Variants in RABEP1 observed in about 807,000 individuals in gnomAD.
RABEP1 encodes rabaptin, RAB GTPase binding effector protein 1.
In RABEP1, 51 loss-of-function variants were observed where a neutral mutation model predicts 123.4. The ratio of observed to expected loss-of-function variants is 0.41; its 90% CI spans 0.33 to 0.52. The LOEUF is 0.52. RABEP1 is among the 20% of genes least tolerant of loss of function. RABEP1 has a pLI of 0.16. For missense variants in RABEP1, 888 were observed against 996.3 expected (o/e 0.89, Z 1.46); for synonymous variants, 347 against 355.2 (o/e 0.98, Z 0.26).
At chr17:5,320,726 G>A (rs1476597506) in intron 2 of RABEP1, among the ~76,000 whole-genome samples, 1 of 152,068 alleles carries the variant, frequency 6.6e-6, no homozygotes, top group Non-Finnish European at 1.5e-5. Context: ...TTATCTACAA[G>A]ATGTTTTTTG....
intron 14 of RABEP1, 29 bp downstream of exon 14, chr17:5,377,334 T>C (rs1911073256): frequency 6.5e-7 from 1 of 1,530,210 alleles, no homozygotes; most frequent in Non-Finnish European, 8.8e-7. Context: ...TAGTTTAGAA[T>C]TAGAGTCACT....
chr17:5,291,095 TC>T (rs2075028766), intron 1 of RABEP1, among the ~76,000 whole-genome samples: 1 of 152,162 alleles, frequency 6.6e-6, no homozygotes, highest in African/African-American at 2.4e-5. Context: ...AATTTTCTGA[TC>T]ATAAAGTACA....
intron 2 of RABEP1, among the ~76,000 whole-genome samples, chr17:5,311,395 A>G (rs1409411746): frequency 6.6e-6 from 1 of 152,040 alleles, no homozygotes; most frequent in African/African-American, 2.4e-5. Flanking sequence ...TGGATATTTT[A>G]CATATTACTA....
chr17:5,321,167 T>A (rs1567520149), intron 2 of RABEP1, among the ~76,000 whole-genome samples: 1 of 151,886 alleles, frequency 6.6e-6, no homozygotes, highest in Non-Finnish European at 1.5e-5. Context: ...ACTGGCTGAG[T>A]GCAGTGGCTC....
At chr17:5,323,177 C>A (rs929738585) in intron 2 of RABEP1, among the ~76,000 whole-genome samples, 1 of 152,280 alleles carries the variant, frequency 6.6e-6, no homozygotes, top group Middle Eastern at 3.4e-3. Flanking sequence ...TACAAACCCT[C>A]ATCAAATTGT....
intron 11 of RABEP1, among the ~76,000 whole-genome samples, chr17:5,367,411 A>C (rs1055025878): frequency 6.6e-6 from 1 of 150,428 alleles, no homozygotes; most frequent in Non-Finnish European, 1.5e-5. Flanking sequence ...AGCTGGGACT[A>C]CAGGCACCCG....
At chr17:5,323,084 A>C (rs1212860743) in intron 2 of RABEP1, among the ~76,000 whole-genome samples, 6 of 152,190 alleles carry the variant, frequency 3.9e-5, no homozygotes, top group South Asian at 2.1e-4. Context: ...CAAAAAAAAC[A>C]AACAACAACA....
intron 2 of RABEP1, among the ~76,000 whole-genome samples, chr17:5,314,234 CTT>C (rs71151864): frequency 9.0e-5 from 5 of 55,560 alleles, no homozygotes; most frequent in Admixed American, 3.0e-4. Context: ...AGTACCTATT[CTT>C]TTTTTTTTTT....
At chr17:5,367,146 C>T (rs1273077270) in intron 11 of RABEP1, among the ~76,000 whole-genome samples, 1 of 151,908 alleles carries the variant, frequency 6.6e-6, no homozygotes, top group Non-Finnish European at 1.5e-5. Context: ...TGATTTTCCT[C>T]CTTTTTAAAA....
intron 4 of RABEP1, 118 bp downstream of exon 4, chr17:5,335,462 T>G: frequency 3.3e-6 from 3 of 897,872 alleles, no homozygotes; most frequent in Non-Finnish European, 5.1e-6. Context: ...GAATAATTAT[T>G]TGGACACAGA....
chr17:5,361,659 A>G lies in RABEP1; in HGVS notation c.1547A>G (p.Asn516Ser), dbSNP rs768015639. 2 of 1,606,138 alleles carry G rather than the reference A, an allele frequency of 1.2e-6. No individual in the cohort carries two copies. The highest frequency in any genetic ancestry group is 1.1e-5 in the South Asian group (1 of 89,794). ...CGTTTAGTTAGTGAAACAGAATGGAATCTCTTGCAGAAAGAGGTGAGTTAC... is the reference window on the plus strand; with the variant it reads ...CGTTTAGTTAGTGAAACAGAATGGAGTCTCTTGCAGAAAGAGGTGAGTTAC... ...GYRLVSETEW[N>S]LLQKEVHNAG... The change falls in exon 9 of 18, where the codon AAT (asparagine) becomes AGT (serine). Residue 516 changes from asparagine to serine, a missense_variant. Transcript: ENST00000537505.
intron 13 of RABEP1, among the ~76,000 whole-genome samples, chr17:5,376,295 T>A (rs1359597340): frequency 6.6e-6 from 1 of 151,942 alleles, no homozygotes; most frequent in African/African-American, 2.4e-5. Flanking sequence ...CACTCCATAC[T>A]CCAGTCTGGG....
chr17:5,318,537 C>G (rs2075320760), intron 2 of RABEP1, among the ~76,000 whole-genome samples: 2 of 152,108 alleles, frequency 1.3e-5, no homozygotes, highest in African/African-American at 4.8e-5. Flanking sequence ...GGAACAACTT[C>G]ATGATTAATA....
rs1353689435 is a variant in RABEP1, at chr17:5,374,129, T to G, written c.2025+675T>G. On this transcript the variant is annotated intron_variant, in intron 13 of 17. Transcript: ENST00000537505. ...TCACCCAGGCTGGAGTGCAATGGCATCATCTCTGCTCACTGCAACCTCCGC... is the reference window on the plus strand; with the variant it reads ...TCACCCAGGCTGGAGTGCAATGGCAGCATCTCTGCTCACTGCAACCTCCGC... Among the ~76,000 whole-genome samples the G allele has an allele frequency of 5.9e-3, 891 of 151,706 alleles. 6 individuals are homozygous for G. Among genetic ancestry groups the G allele is most frequent in the African/African-American group, 0.02 (843 of 41,132 alleles).
intron 15 of RABEP1, 41 bp downstream of exon 15, chr17:5,378,273 G>A (rs1911165557): frequency 6.7e-7 from 1 of 1,491,620 alleles, no homozygotes; most frequent in Non-Finnish European, 9.4e-7. Flanking sequence ...AGCAACCAGT[G>A]GTTATTTACT....
chr17:5,386,168 T>C lies in RABEP1; in HGVS notation c.*2945T>C, dbSNP rs1301340373. 1.3e-6 allele frequency: 2 copies of C among 1,511,592 alleles called. No individual in the cohort carries two copies. Among genetic ancestry groups the C allele is most frequent in the African/African-American group, 1.4e-5 (1 of 72,098 alleles). The allele number at this position is 1,511,592 out of a possible 1,614,324, so 93.6% of individuals were successfully genotyped here. ...TTACAATATGGGTTTAAGCCTTCAA[T>C]GGTGTTCAGTTCAGGTGTGAGTCAG... On this transcript the variant is annotated 3_prime_UTR_variant, in exon 18 of 18. Coordinates refer to ENST00000537505, the MANE Select transcript of RABEP1 (RefSeq NM_004703.6).
intron 8 of RABEP1, 141 bp from the exon 9 acceptor site, chr17:5,361,067 A>AG: frequency 1.4e-6 from 1 of 737,398 alleles, no homozygotes; most frequent in South Asian, 1.9e-5. Context: ...AATGACACTT[A>AG]GTGTTTGTTC....
At chr17:5,293,769 T>C (rs1243654303) in intron 1 of RABEP1, among the ~76,000 whole-genome samples, 1 of 152,212 alleles carries the variant, frequency 6.6e-6, no homozygotes, top group Non-Finnish European at 1.5e-5. Flanking sequence ...ATTGGTAATA[T>C]TTTGACATTT....
chr17:5,286,471 G>A (rs1271418537), intron 1 of RABEP1, among the ~76,000 whole-genome samples: 1 of 152,010 alleles, frequency 6.6e-6, no homozygotes, highest in East Asian at 1.9e-4. Context: ...TCCAGCCTGG[G>A]GGACAGAGTG....
Sources: allele counts gnomAD v4.1 joint callset (sites outside exome capture counted in the v4.1 genomes callset), GRCh38; gene constraint gnomAD v4.1.1; transcripts MANE v1.5; gene names NCBI Gene and HGNC (gene_info 2026-07-23, HGNC 2026-07-21).